Variants in GTF2B observed in about 807,000 individuals in gnomAD.
GTF2B encodes general transcription factor IIB, also known as transcription initiation factor IIB.
In GTF2B, 20 loss-of-function variants were observed where a neutral mutation model predicts 34.6. The observed-to-expected ratio is 0.58, with a 90% CI of 0.41 to 0.84. GTF2B has a LOEUF of 0.84. Among genes scored for constraint, GTF2B ranks in the 40% least tolerant of loss-of-function variants. GTF2B has a pLI of 0.00. For missense variants in GTF2B, 237 were observed against 393.3 expected (o/e 0.60, Z 3.36); for synonymous variants, 142 against 132.4 (o/e 1.07, Z -0.50).
rs76583677 is a variant in GTF2B at position 88,874,719 on chromosome 1, A to C, written c.125-10605T>G. ...TCTTTCTGCTGTCTTCCTGGAAACTAATCTTAATCACTGTGGCATACAACC... is the reference window on the plus strand; with the variant it reads ...TCTTTCTGCTGTCTTCCTGGAAACTCATCTTAATCACTGTGGCATACAACC... On this transcript the variant is annotated intron_variant, in intron 2 of 6. Transcript: ENST00000370500. Among the ~76,000 whole-genome samples, 546 of 152,144 alleles carry C rather than the reference A, an allele frequency of 3.6e-3. 1 individual carries two copies. The highest frequency in any genetic ancestry group is 6.0e-3 in the Non-Finnish European group (406 of 67,992).
At chr1:88,859,528 A>G (rs369114976) in intron 5 of GTF2B, among the ~76,000 whole-genome samples, 1 of 152,186 alleles carries the variant, frequency 6.6e-6, no homozygotes, top group African/African-American at 2.4e-5. Flanking sequence ...TGTTTCTTTA[A>G]TATGATGTAG....
chr1:88,876,993 G>T (rs1015230233), intron 2 of GTF2B, among the ~76,000 whole-genome samples: 4 of 152,074 alleles, frequency 2.6e-5, no homozygotes, highest in South Asian at 2.1e-4. Flanking sequence ...TGAAGACATG[G>T]AAAATATGAA....
intron 2 of GTF2B, among the ~76,000 whole-genome samples, chr1:88,879,107 T>G (rs1247341445): frequency 3.3e-5 from 5 of 152,158 alleles, no homozygotes; most frequent in African/African-American, 1.2e-4. Context: ...TTATGTTGCT[T>G]TAAGAAAAAT....
chr1:88,866,474 T>A (rs1263595062), intron 2 of GTF2B, among the ~76,000 whole-genome samples: 1 of 152,204 alleles, frequency 6.6e-6, no homozygotes, highest in East Asian at 1.9e-4. Flanking sequence ...AGTGGTGCAA[T>A]TTTGGCTCAC....
chr1:88,863,141 C>G (rs1439742911), intron 3 of GTF2B, among the ~76,000 whole-genome samples: 1 of 152,120 alleles, frequency 6.6e-6, no homozygotes, highest in Non-Finnish European at 1.5e-5. Context: ...CTACCACTGA[C>G]TGAGCACACA....
At chr1:88,867,950 A>G (rs1464001402) in intron 2 of GTF2B, among the ~76,000 whole-genome samples, 1 of 152,216 alleles carries the variant, frequency 6.6e-6, no homozygotes, top group Non-Finnish European at 1.5e-5. Context: ...CTCTTTTTAT[A>G]TTTAACTACT....
At chr1:88,883,660 T>C (rs149960217) in intron 2 of GTF2B, among the ~76,000 whole-genome samples, 8 of 151,524 alleles carry the variant, frequency 5.3e-5, no homozygotes, top group Non-Finnish European at 1.2e-4. Context: ...AGACTCTGTC[T>C]CAAAAAAAAA....
chr1:88,868,758 C>T (rs567933523), intron 2 of GTF2B, among the ~76,000 whole-genome samples: 66 of 149,802 alleles, frequency 4.4e-4, no homozygotes, highest in Middle Eastern at 3.4e-3. Flanking sequence ...TTTTTTGAGA[C>T]GGAGTCTCGC....
chr1:88,891,124 G>T lies in GTF2B; in HGVS notation c.17+359C>A, dbSNP rs3795544. Among the ~76,000 whole-genome samples the T allele has an allele frequency of 2.8e-5, 4 of 143,574 alleles. No individual in the cohort carries two copies. In the East Asian group the frequency reaches 8.4e-4, roughly 30 times the overall value. The allele number at this position is 143,574 out of a possible 152,430, so 94.2% of individuals were successfully genotyped here. A position where few individuals can be genotyped will look rare whatever the true frequency, so the allele number is the denominator to read the frequency against. On this transcript the variant is annotated intron_variant, in intron 1 of 6. Coordinates refer to ENST00000370500, the MANE Select transcript of GTF2B (RefSeq NM_001514.6). The stretch of plus-strand genomic sequence containing the variant: ...GCCGTAGATGAAAAAAACAAGCGGG[G>T]GGGGGGGCGCGGGGGAGGAGAGGAG...
intron 2 of GTF2B, among the ~76,000 whole-genome samples, chr1:88,879,128 C>T (rs1673874512): frequency 6.6e-6 from 1 of 152,064 alleles, no homozygotes; most frequent in Admixed American, 6.6e-5. Context: ...AAACACTTGC[C>T]TCTTGTTTTC....
At chr1:88,868,713 A>T (rs950383724) in intron 2 of GTF2B, among the ~76,000 whole-genome samples, 1 of 150,796 alleles carries the variant, frequency 6.6e-6, no homozygotes. Flanking sequence ...ACTCTTAAGT[A>T]CAGTTGGCCT....
chr1:88,885,895 A>G, intron 2 of GTF2B, among the ~76,000 whole-genome samples: 1 of 152,076 alleles, frequency 6.6e-6, no homozygotes, highest in Non-Finnish European at 1.5e-5. Context: ...TACTTTGACG[A>G]CCCCAGATTA....
chr1:88,882,154 A>G (rs1034933914), intron 2 of GTF2B, among the ~76,000 whole-genome samples: 1 of 151,958 alleles, frequency 6.6e-6, no homozygotes, highest in Non-Finnish European at 1.5e-5. Context: ...TACTAAAAAT[A>G]CAAAAATTAG....
At chr1:88,854,985 C>A (rs565600697) in intron 6 of GTF2B, among the ~76,000 whole-genome samples, 1 of 152,326 alleles carries the variant, frequency 6.6e-6, no homozygotes, top group South Asian at 2.1e-4. Flanking sequence ...TGAATGTCAA[C>A]TGCCTGCTGT....
At chr1:88,856,989 TG>T (rs1673327832) in intron 6 of GTF2B, among the ~76,000 whole-genome samples, 1 of 151,956 alleles carries the variant, frequency 6.6e-6, no homozygotes, top group South Asian at 2.1e-4. Context: ...TTAGTAGAGA[TG>T]GGGTTTCACC....
intron 6 of GTF2B, among the ~76,000 whole-genome samples, chr1:88,855,120 C>T (rs1344199103): frequency 1.3e-5 from 2 of 152,194 alleles, no homozygotes; most frequent in East Asian, 1.9e-4. Context: ...GAATGTACCT[C>T]AAGGACAAAC....
chr1:88,856,800 G>A (rs985502971), intron 6 of GTF2B, among the ~76,000 whole-genome samples: 1 of 130,164 alleles, frequency 7.7e-6, no homozygotes, highest in African/African-American at 2.9e-5. Flanking sequence ...TGTCTTAAAC[G>A]TGGGTTTTTT....
chr1:88,881,139 G>T (rs1673929529), intron 2 of GTF2B, among the ~76,000 whole-genome samples: 1 of 136,104 alleles, frequency 7.3e-6, no homozygotes, highest in African/African-American at 2.8e-5. Context: ...AGCTCCAAAA[G>T]CCAGAATAAA....
chr1:88,890,188 A>G (rs1674167467), intron 1 of GTF2B, among the ~76,000 whole-genome samples: 1 of 151,532 alleles, frequency 6.6e-6, no homozygotes, highest in Non-Finnish European at 1.5e-5. Context: ...TAGAATTTTA[A>G]GTCGTATTTG....
Sources: gnomAD v4.1 joint callset for allele counts (sites outside exome capture counted in the v4.1 genomes callset) on GRCh38, gnomAD v4.1.1 for gene constraint, MANE v1.5 for transcripts, NCBI Gene and HGNC (gene_info 2026-07-23, HGNC 2026-07-21) for gene names.